The following PBX1 variants were observed in gnomAD, a reference collection of about 807,000 sequenced individuals.
PBX1 encodes the protein PBX homeobox 1.
Under a neutral mutation model 53.4 loss-of-function variants are expected in PBX1, and 6 were observed. That is an observed-to-expected ratio of 0.11 (90% CI 0.06 to 0.22). The LOEUF is 0.22. PBX1 is among the 10% of genes least tolerant of loss of function. PBX1 has a pLI of 1.00. For synonymous variants in PBX1, 204 were observed against 212.3 expected (o/e 0.96, Z 0.34); for missense variants, 251 against 551.4 (o/e 0.46, Z 5.46).
intron 2 of PBX1, among the ~76,000 whole-genome samples, chr1:164,883,080 G>T (rs190702465): frequency 6.6e-6 from 1 of 152,050 alleles, no homozygotes; most frequent in South Asian, 2.1e-4. Context: ...AGCTCTTTAG[G>T]TGAAAATAAA....
chr1:164,815,194 C>T (rs143136775), intron 6 of PBX1: 2 of 152,154 alleles, frequency 1.3e-5, no homozygotes, highest in African/African-American at 2.4e-5. Context: ...AAAATGAGGC[C>T]CTTTCAAGAA....
chr1:164,671,828 C>T lies in PBX1; in HGVS notation c.265+108517C>T, dbSNP rs76311037. On this transcript the variant is annotated intron_variant, in intron 2 of 8. Coordinates refer to ENST00000420696, the MANE Select transcript of PBX1 (RefSeq NM_002585.4). ...TGTCTGAGTCAGTGGTATATATTATCCTGGTATCTGCCAGCCCAACTGGGA... is the reference window on the plus strand; with the variant it reads ...TGTCTGAGTCAGTGGTATATATTATTCTGGTATCTGCCAGCCCAACTGGGA... Among the ~76,000 whole-genome samples, 945 of 152,184 alleles carry T rather than the reference C, an allele frequency of 6.2e-3. 13 individuals carry two copies. The highest frequency in any genetic ancestry group is 0.021 in the African/African-American group (891 of 41,506).
chr1:164,856,208 T>C (rs1819650), downstream of PBX1, among the ~76,000 whole-genome samples: 51,409 of 152,078 alleles, frequency 0.34, 8,882 homozygotes, highest in Middle Eastern at 0.37. Flanking sequence ...CCTCCCTTCC[T>C]TCTGCCTTGG....
intron 2 of PBX1, among the ~76,000 whole-genome samples, chr1:164,681,938 A>G (rs905609034): frequency 2.0e-5 from 3 of 152,220 alleles, no homozygotes; most frequent in Admixed American, 1.3e-4. Context: ...CCGGAAATGA[A>G]GAAACATTAA....
intron 2 of PBX1, among the ~76,000 whole-genome samples, chr1:164,630,387 TGTAGGG>T (rs1176010615): frequency 6.6e-6 from 1 of 152,218 alleles, no homozygotes; most frequent in Non-Finnish European, 1.5e-5. Context: ...CTTTCCAACT[TGTAGGG>T]GTGGTGTGGT....
intron 2 of PBX1, among the ~76,000 whole-genome samples, chr1:164,634,752 G>A (rs1658633722): frequency 6.6e-6 from 1 of 152,142 alleles, no homozygotes; most frequent in Non-Finnish European, 1.5e-5. Context: ...TGGGGTCTTT[G>A]TTGTAGGGAA....
intron 2 of PBX1, among the ~76,000 whole-genome samples, chr1:164,655,860 G>A (rs1358387336): frequency 6.6e-6 from 1 of 152,172 alleles, no homozygotes; most frequent in Non-Finnish European, 1.5e-5. Flanking sequence ...CTAACATGGT[G>A]TAAGGACCTG....
chr1:164,716,248 C>T (rs1664074120), intron 2 of PBX1, among the ~76,000 whole-genome samples: 1 of 152,116 alleles, frequency 6.6e-6, no homozygotes, highest in Admixed American at 6.5e-5. Context: ...CACTAAATGC[C>T]ACATCGTTCC....
At chr1:164,679,312 G>C (rs557338087) in intron 2 of PBX1, among the ~76,000 whole-genome samples, 1 of 152,142 alleles carries the variant, frequency 6.6e-6, no homozygotes, top group Non-Finnish European at 1.5e-5. Context: ...TTTGCACTGC[G>C]GAAGGATGAA....
intron 2 of PBX1, among the ~76,000 whole-genome samples, chr1:164,750,073 G>T (rs889487506): frequency 6.6e-6 from 1 of 151,474 alleles, no homozygotes; most frequent in Non-Finnish European, 1.5e-5. Flanking sequence ...CATTAGCCCG[G>T]GTGACAGAGT....
intron 8 of PBX1, among the ~76,000 whole-genome samples, chr1:164,826,997 T>C (rs1029444109): frequency 1.2e-4 from 19 of 152,196 alleles, no homozygotes; most frequent in African/African-American, 4.6e-4. Flanking sequence ...TTCTCCCATG[T>C]TAGGTAAGGG....
At chr1:164,745,002 C>G (rs1366757484) in intron 2 of PBX1, among the ~76,000 whole-genome samples, 2 of 152,152 alleles carry the variant, frequency 1.3e-5, no homozygotes, top group Non-Finnish European at 2.9e-5. Context: ...TTCTCTACAA[C>G]AGACTTGCAA....
intron 2 of PBX1, among the ~76,000 whole-genome samples, chr1:164,614,395 T>G (rs571832251): frequency 1.3e-5 from 2 of 152,308 alleles, no homozygotes; most frequent in African/African-American, 4.8e-5. Flanking sequence ...AATTTCTGGT[T>G]CACTCCATCA....
intron 4 of PBX1, among the ~76,000 whole-genome samples, chr1:164,803,810 A>G (rs559003515): frequency 6.6e-6 from 1 of 152,336 alleles, no homozygotes; most frequent in Admixed American, 6.5e-5. Context: ...GTTATCACAT[A>G]AAATTGCACT....
At chr1:164,813,156 C>T (rs1360065460) in intron 6 of PBX1, 4 of 152,140 alleles carry the variant, frequency 2.6e-5, no homozygotes, top group Non-Finnish European at 1.5e-5. Flanking sequence ...TACAGCGACT[C>T]GTTACTGGAG....
intron 2 of PBX1, among the ~76,000 whole-genome samples, chr1:164,714,477 T>C (rs1234763749): frequency 2.0e-5 from 3 of 152,232 alleles, no homozygotes; most frequent in African/African-American, 7.2e-5. Flanking sequence ...AAGGGAGATG[T>C]AGGGAAAGGC....
In PBX1 at chr1:164,848,489, C is replaced by T; in HGVS notation, c.*1813C>T. ...GTCCCTGAAATAAACGGGTTCATGC[C>T]ATCTAGGGACAATAAATGGTTTTCT... On this transcript the variant is annotated 3_prime_UTR_variant, in exon 9 of 9. Coordinates refer to ENST00000420696, the MANE Select transcript of PBX1 (RefSeq NM_002585.4). 9.4e-7 allele frequency: 1 copy of T among 1,058,518 alleles called. No homozygotes were observed. The highest frequency in any genetic ancestry group is 1.1e-6 in the Non-Finnish European group (1 of 875,020). 65.6% of individuals were successfully genotyped at this position (1,058,518 alleles called of 1,614,324 possible).
At position 164,849,063 on chromosome 1, in the gene PBX1, G is replaced by A; in HGVS notation, c.*2387G>A. On this transcript the variant is annotated 3_prime_UTR_variant, in exon 9 of 9. Coordinates refer to ENST00000420696, the MANE Select transcript of PBX1 (RefSeq NM_002585.4). ...ATCAGTGGAGAACTCCATCTTAGTGGCAGGAATATAATGAAACTACCCACG... is the reference window on the plus strand; with the variant it reads ...ATCAGTGGAGAACTCCATCTTAGTGACAGGAATATAATGAAACTACCCACG... 5 of 1,283,306 alleles carry A rather than the reference G, an allele frequency of 3.9e-6. No individual in the cohort carries two copies. The highest frequency in any genetic ancestry group is 5.0e-6 in the Non-Finnish European group (5 of 1,009,486). The allele number at this position is 1,283,306 out of a possible 1,614,324, so 79.5% of individuals were successfully genotyped here.
intron 2 of PBX1, among the ~76,000 whole-genome samples, chr1:164,634,883 A>G (rs991278257): frequency 2.0e-5 from 3 of 152,112 alleles, no homozygotes; most frequent in African/African-American, 7.2e-5. Context: ...AACTATGTGC[A>G]CGTGGTTCTA....
Sources: allele counts gnomAD v4.1 joint callset (sites outside exome capture counted in the v4.1 genomes callset), GRCh38; gene constraint gnomAD v4.1.1; transcripts MANE v1.5; gene names NCBI Gene and HGNC (gene_info 2026-07-23, HGNC 2026-07-21).